STX1B: variants seen among roughly 807,000 people sequenced by gnomAD.
The protein encoded by STX1B is syntaxin-1B.
STX1B carries 7 observed loss-of-function variants against 39.4 expected under a neutral mutation model. That is an observed-to-expected ratio of 0.18 (90% CI 0.10 to 0.33). The LOEUF is 0.33. Among genes scored for constraint, STX1B ranks in the 10% least tolerant of loss-of-function variants. The probability of loss-of-function intolerance (pLI) is 1.00; values close to 1 mark genes in which losing one functional copy is unlikely to be tolerated. For synonymous variants in STX1B, 136 were observed against 144.1 expected (o/e 0.94, Z 0.40); for missense variants, 198 against 383.2 (o/e 0.52, Z 4.04).
Position 31,001,638 on chromosome 16 carries a change from C to G in STX1B, c.31-35G>C. 1 of 1,575,312 alleles carries G rather than the reference C, an allele frequency of 6.3e-7. No individual in the cohort carries two copies. The highest frequency in any genetic ancestry group is 8.7e-7 in the Non-Finnish European group (1 of 1,150,878). ...AGGAAGGCTGAGTCCATGAGCAGGC[C>G]CTACCTGGGTCCCCAAGGCTGGCTC... is the stretch of plus-strand genomic sequence containing the variant. On this transcript the variant is annotated intron_variant, in intron 1 of 9. Transcript: ENST00000215095. The surrounding 1 kb of genome is among the most constrained non-coding windows in gnomAD (Gnocchi z 5.5).
chr16:30,998,330 C>T (rs2056606401), intron 4 of STX1B, among the ~76,000 whole-genome samples: 1 of 152,240 alleles, frequency 6.6e-6, no homozygotes, highest in Non-Finnish European at 1.5e-5. Flanking sequence ...CACCAGCCTC[C>T]AGGCCATTCC....
chr16:31,003,563 C>G (rs923126626), intron 1 of STX1B, among the ~76,000 whole-genome samples: 14 of 152,180 alleles, frequency 9.2e-5, no homozygotes, highest in Admixed American at 5.9e-4. Flanking sequence ...GGCCCGGGTG[C>G]CTGAGGACTT....
chr16:31,000,332 GTTTTTTTT>G (rs55729102), intron 4 of STX1B, among the ~76,000 whole-genome samples: 3 of 123,386 alleles, frequency 2.4e-5, no homozygotes, highest in Non-Finnish European at 3.5e-5. Flanking sequence ...TTTGTTTTTT[GTTTTTTTT>G]TTTTTTGTTT....
At chr16:30,996,361 C>CT in intron 7 of STX1B, 1 of 269,380 alleles carries the variant, frequency 3.7e-6, no homozygotes, top group East Asian at 8.1e-5. Flanking sequence ...GCTCTGAGAT[C>CT]TTGCCAAGTG....
intron 4 of STX1B, 127 bp from the exon 5 acceptor site, chr16:30,997,702 A>T (rs927119936): frequency 1.2e-6 from 1 of 857,924 alleles, no homozygotes; most frequent in Non-Finnish European, 1.8e-6. Context: ...CCCCAGGGCG[A>T]GTTGCGGGCA....
At chr16:31,000,331 TG>T (rs1197952303) in intron 4 of STX1B, among the ~76,000 whole-genome samples, 996 of 25,696 alleles carry the variant, frequency 0.039, 15 homozygotes, top group African/African-American at 0.085. Flanking sequence ...GTTTGTTTTT[TG>T]TTTTTTTTTT....
intron 4 of STX1B, among the ~76,000 whole-genome samples, chr16:31,000,330 T>C (rs2056619579): frequency 4.3e-5 from 1 of 22,996 alleles, no homozygotes; most frequent in Non-Finnish European, 1.0e-4. Context: ...TGTTTGTTTT[T>C]TGTTTTTTTT....
rs2056561815 is a variant in STX1B at position 30,991,992 on chromosome 16, AGAAAT to A, written c.*824_*828del. ...ACACACAGCTGCATTCTAGGTAGCA[AGAAAT>A]ACACATTTCTGTGCCCTCCCAAAAC... On this transcript the variant is annotated 3_prime_UTR_variant, in exon 10 of 10. Coordinates refer to ENST00000215095, the MANE Select transcript of STX1B (RefSeq NM_052874.5). 6.6e-6 allele frequency: 1 copy of A among 151,726 alleles called. No individual in the cohort carries two copies. Among genetic ancestry groups the A allele is most frequent in the Non-Finnish European group, 1.5e-5 (1 of 67,908 alleles). 9.4% of individuals were successfully genotyped at this position (151,726 alleles called of 1,614,324 possible).
rs1166169734 is a variant in STX1B at position 30,992,643 on chromosome 16, G to GGC, written c.*177_*178insGC. On this transcript the variant is annotated 3_prime_UTR_variant, in exon 10 of 10. Coordinates refer to ENST00000215095, the MANE Select transcript of STX1B (RefSeq NM_052874.5). Reference sequence around the variant, plus strand: ...CTGCTGCGATCTACGTGCGGGGACGGGGGGGGGGTCCATGGCCCGGTGAGG... The same window carrying GGC: ...CTGCTGCGATCTACGTGCGGGGACGGGCGGGGGGGGTCCATGGCCCGGTGAGG... The GGC allele has an allele frequency of 3.8e-6, 1 of 264,956 alleles. No homozygotes were observed. Among genetic ancestry groups the GGC allele is most frequent in the Non-Finnish European group, 6.5e-6 (1 of 153,810 alleles). 16.4% of individuals were successfully genotyped at this position (264,956 alleles called of 1,614,324 possible).
At chr16:31,007,376 T>C (rs1326951260) in intron 1 of STX1B, among the ~76,000 whole-genome samples, 1 of 152,046 alleles carries the variant, frequency 6.6e-6, no homozygotes, top group Non-Finnish European at 1.5e-5. Flanking sequence ...CCCACCCGAC[T>C]CCACAGCTGC....
In STX1B at chr16:30,994,556, C is replaced by T. The variant is rs2056581512; in HGVS notation, c.538-1072G>A. On this transcript the variant is annotated intron_variant, in intron 7 of 9. Transcript: ENST00000215095. ...AGTGAGCTATGATTGCTTCACTTCA[C>T]TCCAACATGGGCCACAGAGTGAGAC... Among the ~76,000 whole-genome samples the T allele has an allele frequency of 2.6e-5, 4 of 151,176 alleles. No homozygotes were observed. In the South Asian group the frequency reaches 8.4e-4, roughly 32 times the overall value.
In STX1B at chr16:31,010,513, CG is replaced by C. The variant is rs1264053563; in HGVS notation, c.-118del. The C allele has an allele frequency of 3.6e-6, 1 of 276,822 alleles. No homozygotes were observed. Among genetic ancestry groups the C allele is most frequent in the Non-Finnish European group, 5.7e-6 (1 of 175,436 alleles). The allele number at this position is 276,822 out of a possible 1,614,324, so 17.1% of individuals were successfully genotyped here. ...GCGCCGGGGGGCGCCGCGGCCGCTG[CG>C]GGGGGCCTGCGGGCGGGGGCGGGGC... On this transcript the variant is annotated 5_prime_UTR_variant, in exon 1 of 10. Coordinates refer to ENST00000215095, the MANE Select transcript of STX1B (RefSeq NM_052874.5).
intron 7 of STX1B, among the ~76,000 whole-genome samples, chr16:30,994,619 A>C (rs1386325224): frequency 2.4e-5 from 3 of 124,802 alleles, no homozygotes; most frequent in Non-Finnish European, 5.3e-5. Context: ...CCAGTGGGGA[A>C]GAGACCGTGA....
chr16:30,996,566 C>T (rs2056593208), intron 7 of STX1B, 117 bp downstream of exon 7: 2 of 935,918 alleles, frequency 2.1e-6, no homozygotes, highest in Non-Finnish European at 3.3e-6. Context: ...CAGTTCCCGG[C>T]TCAGGCTTCC....
In STX1B at chr16:31,001,316, G is replaced by T; in HGVS notation, c.106-123C>A. ...AACGGCTGATAAAAGGCCAGGGAGG[G>T]TGCAGGAGCAGGGAAGTGGGGGACA... is the stretch of plus-strand genomic sequence containing the variant. On this transcript the variant is annotated intron_variant, in intron 2 of 9. Transcript: ENST00000215095. This position sits in a 1 kb window ranked among gnomAD's most constrained non-coding sequence, Gnocchi z 5.5. 1.0e-6 allele frequency: 1 copy of T among 998,960 alleles called. No homozygotes were observed. The highest frequency in any genetic ancestry group is 2.6e-5 in the East Asian group (1 of 39,008). 61.9% of individuals were successfully genotyped at this position (998,960 alleles called of 1,614,324 possible).
At chr16:31,010,342 C>G (rs759452255) in intron 1 of STX1B, 25 bp downstream of exon 1, 2 of 1,378,134 alleles carry the variant, frequency 1.5e-6, no homozygotes, top group Non-Finnish European at 9.7e-7. Flanking sequence ...TCCCGCCCCC[C>G]CATTCTCCCC....
chr16:30,996,661 G>A, intron 7 of STX1B, 22 bp downstream of exon 7: 1 of 1,611,290 alleles, frequency 6.2e-7, no homozygotes, highest in Non-Finnish European at 8.5e-7. Context: ...CAAAAGCAGA[G>A]CCCGCCCCAC....
intron 1 of STX1B, among the ~76,000 whole-genome samples, chr16:31,008,808 C>T (rs1275120058): frequency 6.6e-6 from 1 of 152,106 alleles, no homozygotes; most frequent in Admixed American, 6.5e-5. Context: ...ATTACTTAAC[C>T]TCTCTGAGCT....
At chr16:30,997,362 C>G in intron 5 of STX1B, 140 bp downstream of exon 5, 1 of 754,480 alleles carries the variant, frequency 1.3e-6, no homozygotes, top group Non-Finnish European at 2.2e-6. Context: ...CCCGCCCGCT[C>G]TAGCCTCGCC....
Sources: allele counts gnomAD v4.1 joint callset (sites outside exome capture counted in the v4.1 genomes callset), GRCh38; gene constraint gnomAD v4.1.1; non-coding constraint Gnocchi (gnomAD v3.1); transcripts MANE v1.5; gene names NCBI Gene and HGNC (gene_info 2026-07-23, HGNC 2026-07-21).